EDEM3: variants seen among roughly 807,000 people sequenced by gnomAD.
EDEM3 encodes ER degradation enhancing alpha-mannosidase like protein 3.
A neutral mutation model predicts 110.2 loss-of-function variants in EDEM3; 60 were observed. The ratio of observed to expected loss-of-function variants is 0.54; its 90% CI spans 0.44 to 0.67. EDEM3 has a LOEUF of 0.67. EDEM3 is among the 30% of genes least tolerant of loss of function. The probability of loss-of-function intolerance (pLI) is 0.00; values close to 1 mark genes in which losing one functional copy is unlikely to be tolerated. For synonymous variants in EDEM3, 352 were observed against 382.9 expected (o/e 0.92, Z 0.94); for missense variants, 996 against 1,121.0 (o/e 0.89, Z 1.59).
At chr1:184,743,711 G>A (rs183150839) in intron 2 of EDEM3, among the ~76,000 whole-genome samples, 10 of 152,078 alleles carry the variant, frequency 6.6e-5, no homozygotes, top group Non-Finnish European at 1.5e-4. Context: ...CAATAATCAG[G>A]ACAATGTGAT....
intron 2 of EDEM3, among the ~76,000 whole-genome samples, chr1:184,738,783 A>C (rs1380616809): frequency 6.6e-6 from 1 of 152,118 alleles, no homozygotes; most frequent in Non-Finnish European, 1.5e-5. Flanking sequence ...TCTTTTGCCC[A>C]TCTTTCCATT....
chr1:184,752,167 T>C (rs1652805266), intron 1 of EDEM3, among the ~76,000 whole-genome samples: 1 of 152,208 alleles, frequency 6.6e-6, no homozygotes, highest in South Asian at 2.1e-4. Context: ...GTTGCAAAAT[T>C]TTAAAAACAA....
At chr1:184,717,050 T>TA in intron 12 of EDEM3, 38 bp from the exon 13 acceptor site, 1 of 1,467,554 alleles carries the variant, frequency 6.8e-7, no homozygotes, top group Non-Finnish European at 9.3e-7. Context: ...TATATATAGC[T>TA]TATATATTAC....
At chr1:184,735,013 T>C (rs933588534) in intron 4 of EDEM3, among the ~76,000 whole-genome samples, 14 of 152,174 alleles carry the variant, frequency 9.2e-5, no homozygotes, top group African/African-American at 3.4e-4. Flanking sequence ...ATTCTAAAAG[T>C]TGCTTTTATT....
At position 184,692,361 on chromosome 1, in the gene EDEM3, C is replaced by T. The variant is rs1335879962; in HGVS notation, c.*1702G>A. 2 of 151,876 alleles carry T rather than the reference C, an allele frequency of 1.3e-5. No homozygotes were observed. The highest frequency in any genetic ancestry group is 4.8e-5 in the African/African-American group (2 of 41,344). The allele number at this position is 151,876 out of a possible 1,614,324, so 9.4% of individuals were successfully genotyped here. A position where few individuals can be genotyped will look rare whatever the true frequency, so the allele number is the denominator to read the frequency against. On this transcript the variant is annotated 3_prime_UTR_variant, in exon 20 of 20. Transcript: ENST00000318130. Reference sequence around the variant, plus strand: ...AGGGTCTTGCATACTATTCTTTTTCCCCTCCCCAAAGTGAATTCTCCATCA... The same window carrying T: ...AGGGTCTTGCATACTATTCTTTTTCTCCTCCCCAAAGTGAATTCTCCATCA...
intron 2 of EDEM3, among the ~76,000 whole-genome samples, chr1:184,738,176 C>T (rs1202531069): frequency 6.6e-6 from 1 of 152,176 alleles, no homozygotes; most frequent in Non-Finnish European, 1.5e-5. Context: ...TAACTACAAA[C>T]TGATAACATT....
At chr1:184,723,717 CA>C (rs779487105) in intron 8 of EDEM3, 33 bp downstream of exon 8, 9 of 1,473,994 alleles carry the variant, frequency 6.1e-6, no homozygotes, top group Non-Finnish European at 8.4e-6. Flanking sequence ...TTTGAGGATG[CA>C]AAGGCTTGAT....
chr1:184,696,475 G>T (rs1649337963), intron 19 of EDEM3, among the ~76,000 whole-genome samples: 1 of 151,634 alleles, frequency 6.6e-6, no homozygotes, highest in Non-Finnish European at 1.5e-5. Context: ...AACCCTTTAT[G>T]ATGGGGAGGA....
chr1:184,750,965 A>T (rs1652729501), intron 1 of EDEM3, among the ~76,000 whole-genome samples: 1 of 152,150 alleles, frequency 6.6e-6, no homozygotes, highest in African/African-American at 2.4e-5. Context: ...TACTGGTAAT[A>T]ATAGAGCTAG....
At chr1:184,710,284 ACAG>A in intron 16 of EDEM3, 107 bp downstream of exon 16, 1 of 1,311,820 alleles carries the variant, frequency 7.6e-7, no homozygotes, top group African/African-American at 1.5e-5. Context: ...CTCACTTTAA[ACAG>A]TATATTTAAA....
intron 1 of EDEM3, among the ~76,000 whole-genome samples, chr1:184,752,154 CCT>C (rs1035291380): frequency 2.0e-5 from 3 of 152,134 alleles, no homozygotes; most frequent in East Asian, 1.9e-4. Context: ...AACAAAATAC[CCT>C]GTTGCAAAAT....
At chr1:184,717,857 T>C (rs546809344) in intron 11 of EDEM3, among the ~76,000 whole-genome samples, 1 of 152,074 alleles carries the variant, frequency 6.6e-6, no homozygotes, top group South Asian at 2.1e-4. Flanking sequence ...ATTAGAAAAC[T>C]CAGAAAAACT....
chr1:184,741,608 T>C (rs1395275613), intron 2 of EDEM3, among the ~76,000 whole-genome samples: 1 of 152,162 alleles, frequency 6.6e-6, no homozygotes, highest in African/African-American at 2.4e-5. Context: ...GGAACCATAA[T>C]TCCCCAAGTT....
intron 1 of EDEM3, among the ~76,000 whole-genome samples, chr1:184,753,787 C>T (rs1652911915): frequency 6.6e-6 from 1 of 152,190 alleles, no homozygotes; most frequent in South Asian, 2.1e-4. Context: ...ATGCCTTTCT[C>T]CCATTTCCTA....
At chr1:184,707,336 T>A (rs1461687782) in intron 17 of EDEM3, among the ~76,000 whole-genome samples, 1 of 152,182 alleles carries the variant, frequency 6.6e-6, no homozygotes, top group Non-Finnish European at 1.5e-5. Context: ...AGGAACTAAT[T>A]TTTTTAAACA....
At position 184,754,772 on chromosome 1, in the gene EDEM3, C is replaced by T; in HGVS notation, c.-126G>A. 2.2e-6 allele frequency: 3 copies of T among 1,365,618 alleles called. No individual in the cohort carries two copies. The highest frequency in any genetic ancestry group is 2.8e-6 in the Non-Finnish European group (3 of 1,056,712). 84.6% of individuals were successfully genotyped at this position (1,365,618 alleles called of 1,614,324 possible). A position where few individuals can be genotyped will look rare whatever the true frequency, so the allele number is the denominator to read the frequency against. Reference sequence around the variant, plus strand: ...CGGGATGCGGAGTAACACGGACGGCCGCCGGCGCCAAACTGTTTCCCGAAG... The same window carrying T: ...CGGGATGCGGAGTAACACGGACGGCTGCCGGCGCCAAACTGTTTCCCGAAG... On this transcript the variant is annotated 5_prime_UTR_variant, in exon 1 of 20. Transcript: ENST00000318130.
intron 19 of EDEM3, among the ~76,000 whole-genome samples, chr1:184,699,265 C>T (rs922896208): frequency 6.6e-6 from 1 of 151,720 alleles, no homozygotes; most frequent in Non-Finnish European, 1.5e-5. Flanking sequence ...AGGTAAAGAA[C>T]TATTTAACTA....
chr1:184,737,674 G>GT lies in EDEM3; in HGVS notation c.241dup (p.Thr81AsnfsTer3). On this transcript the variant is annotated frameshift_variant, in exon 3 of 20. Transcript: ENST00000318130. LOFTEE classifies it high-confidence loss of function. The stretch of plus-strand genomic sequence containing the variant: ...TTGGCCTCTAACTCGACCTCTACAG[G>GT]TTAAAGGCATGAGTTCATCAGCAGG... 1 of 1,613,894 alleles carries GT rather than the reference G, an allele frequency of 6.2e-7. No individual in the cohort carries two copies. Among genetic ancestry groups the GT allele is most frequent in the Non-Finnish European group, 8.5e-7 (1 of 1,179,878 alleles).
chr1:184,714,646 T>C (rs1571370273), intron 13 of EDEM3, among the ~76,000 whole-genome samples: 1 of 152,036 alleles, frequency 6.6e-6, no homozygotes, highest in Non-Finnish European at 1.5e-5. Context: ...TCCTAACAGT[T>C]TGGATGAAAA....
Sources: allele counts gnomAD v4.1 joint callset (sites outside exome capture counted in the v4.1 genomes callset), GRCh38; gene constraint gnomAD v4.1.1; transcripts MANE v1.5; gene names NCBI Gene and HGNC (gene_info 2026-07-23, HGNC 2026-07-21).